Variants in WDR7 observed in about 807,000 individuals in gnomAD.
The protein encoded by WDR7 is WD repeat domain 7.
WDR7 carries 46 observed loss-of-function variants against 169.4 expected under a neutral mutation model. The observed-to-expected ratio is 0.27, with a 90% CI of 0.21 to 0.35. The LOEUF (loss-of-function observed/expected upper bound fraction) is 0.35. Among genes scored for constraint, WDR7 ranks in the 10% least tolerant of loss-of-function variants. WDR7 has a pLI of 1.00. For synonymous variants in WDR7, 612 were observed against 666.8 expected (o/e 0.92, Z 1.27); for missense variants, 1,534 against 1,859.3 (o/e 0.83, Z 3.22).
chr18:56,821,513 C>T (rs914453139), intron 20 of WDR7, among the ~76,000 whole-genome samples: 3 of 152,114 alleles, frequency 2.0e-5, no homozygotes, highest in Admixed American at 6.5e-5. Context: ...CTCAAAGTAA[C>T]ACATTAAACT....
intron 26 of WDR7, among the ~76,000 whole-genome samples, chr18:56,973,495 G>T (rs111318291): frequency 0.035 from 5,246 of 151,680 alleles, 302 homozygotes; most frequent in African/African-American, 0.12. Flanking sequence ...ATTGTGTGTG[G>T]GGGGGGTGTA....
intron 14 of WDR7, among the ~76,000 whole-genome samples, chr18:56,738,798 C>CTTTT (rs10547813): frequency 1.0e-4 from 6 of 58,788 alleles, no homozygotes; most frequent in East Asian, 6.8e-4. Context: ...GCATAAAATC[C>CTTTT]TTTTTTTTTT....
intron 2 of WDR7, among the ~76,000 whole-genome samples, chr18:56,676,815 A>G (rs663162): frequency 0.92 from 139,204 of 151,670 alleles, 65,053 homozygotes; most frequent in East Asian, 1. Flanking sequence ...GGCTCAGGCA[A>G]TCCTGCCACC....
intron 15 of WDR7, 85 bp from the exon 16 acceptor site, chr18:56,758,780 A>C (rs2043937277): frequency 1.0e-6 from 1 of 980,018 alleles, no homozygotes; most frequent in Non-Finnish European, 1.4e-6. Context: ...TGATTCGTTT[A>C]GAAGTAGAAA....
At chr18:56,700,377 C>A (rs2025801072) in intron 12 of WDR7, among the ~76,000 whole-genome samples, 1 of 146,572 alleles carries the variant, frequency 6.8e-6, no homozygotes, top group African/African-American at 2.5e-5. Flanking sequence ...CTGCCTCAGT[C>A]ACCCATGTAG....
chr18:56,852,321 A>G (rs1245018285), intron 20 of WDR7, among the ~76,000 whole-genome samples: 1 of 152,164 alleles, frequency 6.6e-6, no homozygotes, highest in Non-Finnish European at 1.5e-5. Flanking sequence ...TTATGGCGTG[A>G]TTTGGAATTA....
chr18:56,845,800 A>G (rs542643491), intron 20 of WDR7, among the ~76,000 whole-genome samples: 11 of 152,192 alleles, frequency 7.2e-5, no homozygotes, highest in African/African-American at 2.2e-4. Flanking sequence ...AAAACTGCAT[A>G]TATGTACTTT....
chr18:56,714,840 T>C (rs8096230), intron 12 of WDR7, among the ~76,000 whole-genome samples: 5,213 of 152,304 alleles, frequency 0.034, 299 homozygotes, highest in African/African-American at 0.12. Flanking sequence ...GAGGAGAATG[T>C]GTCATGTAGA....
At position 56,873,971 on chromosome 18, in the gene WDR7, A is replaced by C. The variant is rs1005348728; in HGVS notation, c.3305-5973A>C. On this transcript the variant is annotated intron_variant, in intron 20 of 27. Transcript: ENST00000254442. Reference sequence around the variant, plus strand: ...TTCTGCAGAGGTCAGCTGACAGAACAATCAGTGCAACTGCAGAATAGAGCT... The same window carrying C: ...TTCTGCAGAGGTCAGCTGACAGAACCATCAGTGCAACTGCAGAATAGAGCT... 2.0e-5 allele frequency: 3 copies of C among 152,340 alleles called. No individual in the cohort carries two copies. The East Asian group carries it at 5.8e-4, about 29-fold the overall frequency. 9.4% of individuals were successfully genotyped at this position (152,340 alleles called of 1,614,324 possible).
intron 19 of WDR7, among the ~76,000 whole-genome samples, chr18:56,789,573 G>A (rs1324641227): frequency 1.3e-5 from 2 of 152,232 alleles, no homozygotes. Context: ...GTATAGCAGT[G>A]AGGAGATGGG....
chr18:56,930,455 T>A (rs1050249527), intron 22 of WDR7, among the ~76,000 whole-genome samples: 2 of 150,610 alleles, frequency 1.3e-5, no homozygotes, highest in Non-Finnish European at 2.9e-5. Context: ...GGAAGCCATA[T>A]AAATAAATCC....
chr18:56,695,178 G>A lies in WDR7; in HGVS notation c.1337G>A (p.Gly446Glu). Residue 446 changes from glycine to glutamate, a missense_variant, in exon 11 of 28, where the codon GGG (glycine) becomes GAG (glutamate). Coordinates refer to ENST00000254442, the MANE Select transcript of WDR7 (RefSeq NM_015285.3). ...ACGGCCATAGTACAGCTGTTGCAAG[G>A]GGAACACATGCTCAGAAGAGGTATA... ...TQTAIVQLLQ[G>E]EHMLRRGWPP... is the part of the protein sequence containing the mutation. 6.2e-7 allele frequency: 1 copy of A among 1,614,112 alleles called. No homozygotes were observed.
intron 20 of WDR7, among the ~76,000 whole-genome samples, chr18:56,832,056 AC>A (rs775154046): frequency 3.5e-4 from 54 of 152,132 alleles, no homozygotes; most frequent in Non-Finnish European, 6.5e-4. Context: ...AGCAGTTCCC[AC>A]CCCGACAGAG....
intron 25 of WDR7, among the ~76,000 whole-genome samples, chr18:56,942,506 C>CGA (rs1340025342): frequency 6.6e-6 from 1 of 152,062 alleles, no homozygotes; most frequent in Non-Finnish European, 1.5e-5. Context: ...AGAACTTTTC[C>CGA]AATTATTTCA....
chr18:56,688,886 A>C (rs150669487), intron 7 of WDR7, among the ~76,000 whole-genome samples: 106 of 152,340 alleles, frequency 7.0e-4, no homozygotes, highest in Middle Eastern at 3.4e-3. Flanking sequence ...TTTCTTTCTT[A>C]AAATGCATAC....
At chr18:56,664,175 G>T (rs1006899294) in intron 1 of WDR7, among the ~76,000 whole-genome samples, 5 of 152,160 alleles carry the variant, frequency 3.3e-5, no homozygotes, top group African/African-American at 1.2e-4. Flanking sequence ...ATATTGGAGA[G>T]CTCTGCCCTG....
intron 21 of WDR7, among the ~76,000 whole-genome samples, chr18:56,903,638 T>G (rs1435540289): frequency 6.6e-6 from 1 of 152,100 alleles, no homozygotes; most frequent in East Asian, 1.9e-4. Flanking sequence ...CAGGCTGGTC[T>G]TGAACTCCTG....
intron 22 of WDR7, among the ~76,000 whole-genome samples, chr18:56,928,046 C>T (rs191593347): frequency 3.9e-5 from 6 of 152,128 alleles, no homozygotes; most frequent in Admixed American, 3.9e-4. Context: ...CAGGGGCATG[C>T]GAAAGAAAGG....
At chr18:56,989,261 G>A (rs1467767548) in intron 26 of WDR7, among the ~76,000 whole-genome samples, 1 of 152,106 alleles carries the variant, frequency 6.6e-6, no homozygotes, top group Non-Finnish European at 1.5e-5. Flanking sequence ...TAAGACTGAG[G>A]AGTTGAGTTC....
Sources: allele counts gnomAD v4.1 joint callset (sites outside exome capture counted in the v4.1 genomes callset), GRCh38; gene constraint gnomAD v4.1.1; transcripts MANE v1.5; gene names NCBI Gene and HGNC (gene_info 2026-07-23, HGNC 2026-07-21).